Variants in SPX observed in about 807,000 individuals in gnomAD.
The protein encoded by SPX is spexin.
Under a neutral mutation model 19.2 loss-of-function variants are expected in SPX, and 22 were observed. That is an observed-to-expected ratio of 1.15 (90% CI 0.82 to 1.64). SPX has a LOEUF of 1.64. SPX is among the 40% of genes most tolerant of loss of function. The probability of loss-of-function intolerance (pLI) is 0.00; values close to 1 mark genes in which losing one functional copy is unlikely to be tolerated. For missense variants in SPX, 143 were observed against 137.7 expected (o/e 1.04, Z -0.19); for synonymous variants, 50 against 53.3 (o/e 0.94, Z 0.27).
At position 21,531,129 on chromosome 12, in the gene SPX, T is replaced by TA; in HGVS notation, c.293-8_293-7insA. ...ATATTTATTTTAAAGAATTTTTTTT[T>TA]CTTACAGATGAAGAAAAAAACTTTG... is the stretch of plus-strand genomic sequence containing the variant. On this transcript the variant is annotated splice_polypyrimidine_tract_variant and splice_region_variant and intron_variant, in intron 5 of 5. Transcript: ENST00000256969. 6.5e-7 allele frequency: 1 copy of TA among 1,541,920 alleles called. No homozygotes were observed. The highest frequency in any genetic ancestry group is 1.9e-5 in the Admixed American group (1 of 53,722).
intron 3 of SPX, 131 bp downstream of exon 3, chr12:21,527,323 G>A: frequency 1.1e-6 from 1 of 872,596 alleles, no homozygotes; most frequent in Non-Finnish European, 1.8e-6. Flanking sequence ...CCATCAAAGA[G>A]ACCGGTAGGT....
In SPX at chr12:21,528,987, T is replaced by A. The variant is rs762774243; in HGVS notation, c.209-14T>A. On this transcript the variant is annotated splice_polypyrimidine_tract_variant and intron_variant, in intron 4 of 5. Transcript: ENST00000256969. Reference sequence around the variant, plus strand: ...AAATGCTAAGAGAATCTGTATACATTTTTGTTTCTGCAGAAAGACGAAGCC... The same window carrying A: ...AAATGCTAAGAGAATCTGTATACATATTTGTTTCTGCAGAAAGACGAAGCC... 6 of 1,606,480 alleles carry A rather than the reference T, an allele frequency of 3.7e-6. No individual in the cohort carries two copies. In the African/African-American group the frequency reaches 8.0e-5, roughly 21 times the overall value.
At position 21,532,283 on chromosome 12, in the gene SPX, A is replaced by T. The variant is rs1943872964; in HGVS notation, c.*1088A>T. The T allele has an allele frequency of 6.6e-6, 1 of 152,252 alleles. No homozygotes were observed. The highest frequency in any genetic ancestry group is 6.5e-5 in the Admixed American group (1 of 15,294). The allele number at this position is 152,252 out of a possible 1,614,324, so 9.4% of individuals were successfully genotyped here. On this transcript the variant is annotated 3_prime_UTR_variant, in exon 6 of 6. Coordinates refer to ENST00000256969, the MANE Select transcript of SPX (RefSeq NM_030572.4). ...TGTTATTGACAAATGTCATAAGTGG[A>T]AAGTATTAATTCTTATTGTCATCAG...
chr12:21,528,596 C>A (rs569665997), intron 4 of SPX, among the ~76,000 whole-genome samples: 2 of 152,300 alleles, frequency 1.3e-5, no homozygotes, highest in South Asian at 4.1e-4. Context: ...TTCTCAACTT[C>A]AGTTGCCCCA....
chr12:21,529,222 T>TGA (rs1943842196), intron 5 of SPX, 138 bp downstream of exon 5: 2 of 728,364 alleles, frequency 2.7e-6, no homozygotes, highest in African/African-American at 3.6e-5. Flanking sequence ...ACTGCTTGAG[T>TGA]GAGGCCCAAG....
At chr12:21,530,392 T>C (rs537935754) in intron 5 of SPX, among the ~76,000 whole-genome samples, 10 of 152,198 alleles carry the variant, frequency 6.6e-5, no homozygotes, top group Non-Finnish European at 1.2e-4. Flanking sequence ...TGCTAGAAAT[T>C]CAGGTTAAGA....
intron 3 of SPX, 183 bp from the exon 4 acceptor site, chr12:21,527,544 C>T (rs11046106): frequency 0.68 from 443,644 of 653,756 alleles, 155,440 homozygotes; most frequent in East Asian, 0.78. Flanking sequence ...GCTCCAGGGC[C>T]CCTGGCTCAG....
chr12:21,526,353 C>T lies in SPX; in HGVS notation c.-120C>T. On this transcript the variant is annotated 5_prime_UTR_variant, in exon 1 of 6. Transcript: ENST00000256969. ...AGATGTCCCTGTGGACTCCCAAACT[C>T]TACTCCAGATGGGGAGGTGCCCTTA... 2.3e-6 allele frequency: 2 copies of T among 875,812 alleles called. No individual in the cohort carries two copies. The highest frequency in any genetic ancestry group is 3.5e-6 in the Non-Finnish European group (2 of 569,696). The allele number at this position is 875,812 out of a possible 1,614,324, so 54.3% of individuals were successfully genotyped here.
intron 3 of SPX, 165 bp from the exon 4 acceptor site, chr12:21,527,562 T>C: frequency 1.4e-6 from 1 of 704,430 alleles, no homozygotes. Flanking sequence ...CAGCCCGGGG[T>C]TGCGCTGGGA....
chr12:21,529,013 C>T lies in SPX; in HGVS notation c.221C>T (p.Pro74Leu), dbSNP rs1591769057. 7 of 1,614,064 alleles carry T rather than the reference C, an allele frequency of 4.3e-6. No individual in the cohort carries two copies. The highest frequency in any genetic ancestry group is 5.9e-6 in the Non-Finnish European group (7 of 1,179,956). ...TTTGTTTCTGCAGAAAGACGAAGCC[C>T]AAATCCCCAACTACTAACTATTCCG... ...SDRPLPERRSPNPQLLTIPEA... is the reference protein window; with the variant it reads ...SDRPLPERRSLNPQLLTIPEA... Residue 74 changes from proline to leucine, a missense_variant, in exon 5 of 6, where the codon CCA (proline) becomes CTA (leucine). Physicochemically the swap from Pro to Leu is moderately conservative, Grantham distance 98. Transcript: ENST00000256969.
At chr12:21,528,539 AC>A (rs1209632629) in intron 4 of SPX, among the ~76,000 whole-genome samples, 2 of 152,212 alleles carry the variant, frequency 1.3e-5, no homozygotes, top group African/African-American at 4.8e-5. Flanking sequence ...GGCTCTTCAA[AC>A]ATGCTGTGTA....
rs1310849404 is a variant in SPX, at chr12:21,528,998, C to A, written c.209-3C>A. ...GAATCTGTATACATTTTTGTTTCTG[C>A]AGAAAGACGAAGCCCAAATCCCCAA... On this transcript the variant is annotated splice_region_variant and splice_polypyrimidine_tract_variant and intron_variant, in intron 4 of 5. Transcript: ENST00000256969. 1 of 1,613,150 alleles carries A rather than the reference C, an allele frequency of 6.2e-7. No homozygotes were observed. The highest frequency in any genetic ancestry group is 1.3e-5 in the African/African-American group (1 of 74,888).
intron 5 of SPX, among the ~76,000 whole-genome samples, chr12:21,529,336 G>C (rs1217706169): frequency 6.6e-6 from 1 of 152,110 alleles, no homozygotes; most frequent in East Asian, 1.9e-4. Context: ...CATGAGAATG[G>C]AGATACCTTC....
At chr12:21,529,147 T>A in intron 5 of SPX, 63 bp downstream of exon 5, 13 of 1,492,962 alleles carry the variant, frequency 8.7e-6, no homozygotes, top group Non-Finnish European at 1.2e-5. Flanking sequence ...TTCGGGATTC[T>A]GTGTTGAGTG....
chr12:21,531,150 C>A lies in SPX; in HGVS notation c.306C>A (p.Asn102Lys). 6.3e-7 allele frequency: 1 copy of A among 1,586,702 alleles called. No homozygotes were observed. Among genetic ancestry groups the A allele is most frequent in the Non-Finnish European group, 8.6e-7 (1 of 1,164,464 alleles). Residue 102 changes from asparagine to lysine, a missense_variant, in exon 6 of 6, where the codon AAC becomes AAA. By Grantham distance (94) the Asn-to-Lys change is moderately conservative. Transcript: ENST00000256969. Reference sequence around the variant, plus strand: ...TTTTTCTTACAGATGAAGAAAAAAACTTTGATCAAACCAGATTCCTGGAAG... The same window carrying A: ...TTTTTCTTACAGATGAAGAAAAAAAATTTGATCAAACCAGATTCCTGGAAG... The part of the protein sequence containing the change: ...LQKSPEDEEK[N>K]FDQTRFLEDS...
chr12:21,527,848 G>A (rs933906667), intron 4 of SPX, 59 bp downstream of exon 4: 14 of 1,519,690 alleles, frequency 9.2e-6, no homozygotes, highest in Non-Finnish European at 1.3e-5. Context: ...GATGGGGCGG[G>A]CAGGGCTTGC....
intron 4 of SPX, chr12:21,528,000 G>T (rs1033795418): frequency 3.7e-6 from 2 of 546,610 alleles, no homozygotes; most frequent in East Asian, 3.2e-5. Context: ...GAGCTCGCGC[G>T]TCCAGCCCCG....
chr12:21,528,886 G>A, intron 4 of SPX, 115 bp from the exon 5 acceptor site: 1 of 893,974 alleles, frequency 1.1e-6, no homozygotes, highest in Non-Finnish European at 1.8e-6. Context: ...CCTTTGTTGA[G>A]GGGTCAAAAT....
At chr12:21,527,409 A>C in intron 3 of SPX, 1 of 608,828 alleles carries the variant, frequency 1.6e-6, no homozygotes, top group Non-Finnish European at 2.9e-6. Context: ...CTCCATCCAA[A>C]ACTGGAGGGT....
Sources: allele counts gnomAD v4.1 joint callset (sites outside exome capture counted in the v4.1 genomes callset), GRCh38; gene constraint gnomAD v4.1.1; transcripts MANE v1.5; gene names NCBI Gene and HGNC (gene_info 2026-07-23, HGNC 2026-07-21).